Variants in GABBR1 observed in about 807,000 individuals in gnomAD.
GABBR1 encodes GABA-B receptor, R1 subunit.
In GABBR1, 35 loss-of-function variants were observed where a neutral mutation model predicts 117.7. The observed-to-expected ratio is 0.30, with a 90% CI of 0.23 to 0.39. GABBR1 has a LOEUF of 0.39. Among genes scored for constraint, GABBR1 ranks in the 10% least tolerant of loss-of-function variants. The pLI is 1.00. For synonymous variants in GABBR1, 442 were observed against 486.6 expected, an observed-to-expected ratio of 0.91 and a Z score of 1.21; for missense variants, 709 against 1,241.8, an observed-to-expected ratio of 0.57 and a Z score of 6.45.
rs775699692 is a variant in GABBR1 at position 29,604,556 on chromosome 6, C to T, written c.2650G>A (p.Glu884Lys). The T allele has an allele frequency of 1.9e-6, 3 of 1,613,338 alleles. No individual in the cohort carries two copies. The highest frequency in any genetic ancestry group is 1.7e-5 in the Admixed American group (1 of 60,026). ...TCCAACAGCCGGGACTTCTCCTCCT[C>T]GTTGTTGTTGGTCGATGACCCTGTC... ...MKTGSSTNNN[E>K]EEKSRLLEKE... The change falls in exon 22 of 23, where the codon GAG becomes AAG. Residue 884 changes from glutamate (E) to lysine (K), a missense_variant. Glu to Lys is a moderately conservative substitution (Grantham distance 56, BLOSUM62 1). Coordinates refer to ENST00000377034, the MANE Select transcript of GABBR1 (RefSeq NM_001470.4). The surrounding 1 kb of genome is among the most constrained non-coding windows in gnomAD (Gnocchi z 5.3).
At chr6:29,617,301 CTTT>C (rs373993426) in intron 11 of GABBR1, among the ~76,000 whole-genome samples, 5,027 of 119,730 alleles carry the variant, frequency 0.042, 73 homozygotes, top group Middle Eastern at 0.15. Flanking sequence ...TTCTTTCTTT[CTTT>C]TTTTTTTTTT....
At chr6:29,629,271 C>G in intron 4 of GABBR1, 164 bp from the exon 5 acceptor site, 1 of 771,284 alleles carries the variant, frequency 1.3e-6, no homozygotes, top group Non-Finnish European at 2.3e-6. Flanking sequence ...CAAGGTGGGT[C>G]TGGGGGTAAG....
intron 11 of GABBR1, among the ~76,000 whole-genome samples, chr6:29,619,129 T>G (rs748887356): frequency 3.9e-5 from 6 of 152,198 alleles, no homozygotes; most frequent in South Asian, 4.1e-4. Flanking sequence ...ACTAACTACC[T>G]TTCCAGGTGG....
Position 29,632,903 on chromosome 6 carries a change from C to T in GABBR1, c.-54G>A. On this transcript the variant is annotated 5_prime_UTR_variant, in exon 1 of 23. Transcript: ENST00000377034. The surrounding 1 kb of genome is among the most constrained non-coding windows in gnomAD (Gnocchi z 5.8). Reference sequence around the variant, plus strand: ...CTCCCCGGGCCTCAAGGCCCCAGGCCCGGCCGCTCCTCCCCGCTCCCCCCT... The same window carrying T: ...CTCCCCGGGCCTCAAGGCCCCAGGCTCGGCCGCTCCTCCCCGCTCCCCCCT... 4.3e-6 allele frequency: 1 copy of T among 231,660 alleles called. No individual in the cohort carries two copies. Among genetic ancestry groups the T allele is most frequent in the South Asian group, 3.6e-5 (1 of 27,582 alleles). The allele number at this position is 231,660 out of a possible 1,614,324, so 14.4% of individuals were successfully genotyped here. A position where few individuals can be genotyped will look rare whatever the true frequency, so the allele number is the denominator to read the frequency against.
rs550996000 is a variant in GABBR1 at position 29,623,741 on chromosome 6, G to C, written c.792+149C>G. The C allele has an allele frequency of 3.3e-5, 30 of 920,438 alleles. No individual in the cohort carries two copies. The highest frequency in any genetic ancestry group is 4.5e-5 in the Non-Finnish European group (28 of 619,568). The allele number at this position is 920,438 out of a possible 1,614,324, so 57.0% of individuals were successfully genotyped here. On this transcript the variant is annotated intron_variant, in intron 7 of 22. Coordinates refer to ENST00000377034, the MANE Select transcript of GABBR1 (RefSeq NM_001470.4). This position sits in a 1 kb window ranked among gnomAD's most constrained non-coding sequence, Gnocchi z 6.2. ...ACTGTCAGGCCACTGTTGCTAGGAG[G>C]CTGCCTAGCTCAGGTCTGCAGAGGA... is the stretch of plus-strand genomic sequence containing the variant.
At position 29,630,358 on chromosome 6, in the gene GABBR1, T is replaced by C; in HGVS notation, c.475+100A>G. The C allele has an allele frequency of 1.8e-6, 2 of 1,126,838 alleles. No homozygotes were observed. Among genetic ancestry groups the C allele is most frequent in the Non-Finnish European group, 2.6e-6 (2 of 776,430 alleles). The allele number at this position is 1,126,838 out of a possible 1,614,324, so 69.8% of individuals were successfully genotyped here. The stretch of plus-strand genomic sequence containing the variant: ...CCCTTTCCAGTGTCCTCCCCCACAT[T>C]TTTATAGCTCTCCATTCTTTCCCAT... On this transcript the variant is annotated intron_variant, in intron 4 of 22. Coordinates refer to ENST00000377034, the MANE Select transcript of GABBR1 (RefSeq NM_001470.4). This position sits in a 1 kb window ranked among gnomAD's most constrained non-coding sequence, Gnocchi z 4.9.
chr6:29,629,812 C>CA (rs28383808), intron 4 of GABBR1: 39,519 of 104,476 alleles, frequency 0.38, 6,189 homozygotes, highest in East Asian at 0.58. Context: ...AATTACGTGG[C>CA]AAAAAAAAAA....
Position 29,624,041 on chromosome 6 carries a change from G to C in GABBR1, c.658-17C>G. The C allele has an allele frequency of 6.2e-7, 1 of 1,601,532 alleles. No individual in the cohort carries two copies. Among genetic ancestry groups the C allele is most frequent in the Non-Finnish European group, 8.5e-7 (1 of 1,172,694 alleles). On this transcript the variant is annotated splice_polypyrimidine_tract_variant and intron_variant, in intron 6 of 22. Transcript: ENST00000377034. ...TGGATCACACTGAAAGACAAGAGGA[G>C]ATGAGGGCAAGCTCTCCTGGGGCCC...
Position 29,621,868 on chromosome 6 carries a change from G to A in GABBR1, c.1066-51C>T, listed in dbSNP as rs1763787016. The stretch of plus-strand genomic sequence containing the variant: ...TGAGGGATGCCCGGGAATGCCTGAG[G>A]GGCTAAGCCAGATGTCTTCACAGCT... On this transcript the variant is annotated intron_variant, in intron 9 of 22. Coordinates refer to ENST00000377034, the MANE Select transcript of GABBR1 (RefSeq NM_001470.4). This position sits in a 1 kb window ranked among gnomAD's most constrained non-coding sequence, Gnocchi z 5.0. The A allele has an allele frequency of 6.3e-7, 1 of 1,581,814 alleles. No individual in the cohort carries two copies. The highest frequency in any genetic ancestry group is 8.7e-7 in the Non-Finnish European group (1 of 1,151,102).
At position 29,605,041 on chromosome 6, in the gene GABBR1, T is replaced by C. The variant is rs1030205198; in HGVS notation, c.2440-53A>G. 4 of 1,543,542 alleles carry C rather than the reference T, an allele frequency of 2.6e-6. No homozygotes were observed. Among genetic ancestry groups the C allele is most frequent in the Non-Finnish European group, 3.5e-6 (4 of 1,148,204 alleles). ...CTCAGGTCTGCAGGCTCAGACAAGA[T>C]CCAGAGTTTACTTCCCATGGGAGGG... On this transcript the variant is annotated intron_variant, in intron 20 of 22. Coordinates refer to ENST00000377034, the MANE Select transcript of GABBR1 (RefSeq NM_001470.4). The surrounding 1 kb of genome is among the most constrained non-coding windows in gnomAD (Gnocchi z 4.2).
rs980292762 is a variant in GABBR1 at position 29,630,534 on chromosome 6, G to A, written c.399C>T (p.Pro133=). The change falls in exon 4 of 23, where the codon CCC becomes CCT. Residue 133 remains proline, a synonymous_variant. Transcript: ENST00000377034. This position sits in a 1 kb window ranked among gnomAD's most constrained non-coding sequence, Gnocchi z 4.9. ...DGARVDFRCD[P]DFHLVGSSRS... is the part of the protein sequence containing the mutation. ...GGGAGCTGCCCACCAGATGGAAGTC[G>A]GGGTCACACCGGAAATCCACCCGGG... The A allele has an allele frequency of 6.8e-6, 11 of 1,612,952 alleles. No individual in the cohort carries two copies. Among genetic ancestry groups the A allele is most frequent in the African/African-American group, 4.0e-5 (3 of 74,924 alleles).
chr6:29,604,203 C>T lies in GABBR1; in HGVS notation c.2712+291G>A, dbSNP rs1015018174. Among the ~76,000 whole-genome samples the T allele has an allele frequency of 6.6e-6, 1 of 152,104 alleles. No homozygotes were observed. The highest frequency in any genetic ancestry group is 1.5e-5 in the Non-Finnish European group (1 of 68,016). On this transcript the variant is annotated intron_variant, in intron 22 of 22. Coordinates refer to ENST00000377034, the MANE Select transcript of GABBR1 (RefSeq NM_001470.4). This position sits in a 1 kb window ranked among gnomAD's most constrained non-coding sequence, Gnocchi z 5.3. ...CCTCTCTCCAGTTGTCACCTACAGC[C>T]AACAGCCATCCTCTTGCCTTAAGGA...
chr6:29,632,252 A>C lies in GABBR1; in HGVS notation c.85+49T>G. 1 of 1,085,788 alleles carries C rather than the reference A, an allele frequency of 9.2e-7. No homozygotes were observed. Among genetic ancestry groups the C allele is most frequent in the Non-Finnish European group, 1.3e-6 (1 of 795,976 alleles). 67.3% of individuals were successfully genotyped at this position (1,085,788 alleles called of 1,614,324 possible). A position where few individuals can be genotyped will look rare whatever the true frequency, so the allele number is the denominator to read the frequency against. ...GACCAGAAATGAGGAGATGCAGGGA[A>C]AGGGAAGTGGAGCGAAGGAGGGCCG... On this transcript the variant is annotated intron_variant, in intron 2 of 22. Coordinates refer to ENST00000377034, the MANE Select transcript of GABBR1 (RefSeq NM_001470.4). The surrounding 1 kb of genome is among the most constrained non-coding windows in gnomAD (Gnocchi z 5.8).
Position 29,621,279 on chromosome 6 carries a change from C to T in GABBR1, c.1145G>A (p.Arg382His), listed in dbSNP as rs866442546. The change falls in exon 11 of 23, where the codon CGT (arginine) becomes CAT (histidine). Residue 382 changes from arginine (R) to histidine (H), a missense_variant. This residue lies in a region of GABBR1 where 192 missense variants were observed against 418.4 expected (regional missense o/e 0.46). Transcript: ENST00000377034. The surrounding 1 kb of genome is among the most constrained non-coding windows in gnomAD (Gnocchi z 5.0). Reference sequence around the variant, plus strand: ...CCAGACGTACTTCTTCCCAAAGAGACGCTCCTTGTACACCTGAATACAGAG... The same window carrying T: ...CCAGACGTACTTCTTCCCAAAGAGATGCTCCTTGTACACCTGAATACAGAG... ...RKVFCEVYKE[R>H]LFGKKYVWFL... The T allele has an allele frequency of 1.1e-5, 17 of 1,612,530 alleles. No homozygotes were observed. In the Middle Eastern group the frequency reaches 6.6e-4, roughly 62 times the overall value.
chr6:29,615,565 C>T (rs28749525), intron 11 of GABBR1, among the ~76,000 whole-genome samples: 14,091 of 148,508 alleles, frequency 0.095, 798 homozygotes, highest in Middle Eastern at 0.19. Context: ...GCAGAGATCA[C>T]GCCACTGCAC....
rs1451543092 is a variant in GABBR1 at position 29,631,994 on chromosome 6, CA to C, written c.85+306del. 6.6e-6 allele frequency among the ~76,000 whole-genome samples: 1 copy of C among 151,658 alleles called. No homozygotes were observed. Among genetic ancestry groups the C allele is most frequent in the Non-Finnish European group, 1.5e-5 (1 of 67,974 alleles). ...GAGGCTAATAAGATCATCTGGACAGCAAAGTGGGACCAAGAAAAGGGAGTAA... is the reference window on the plus strand; with the variant it reads ...GAGGCTAATAAGATCATCTGGACAGCAAGTGGGACCAAGAAAAGGGAGTAA... On this transcript the variant is annotated intron_variant, in intron 2 of 22. Coordinates refer to ENST00000377034, the MANE Select transcript of GABBR1 (RefSeq NM_001470.4). The surrounding 1 kb of genome is among the most constrained non-coding windows in gnomAD (Gnocchi z 5.9).
At chr6:29,625,528 C>T (rs1485534480) in intron 6 of GABBR1, among the ~76,000 whole-genome samples, 1 of 152,164 alleles carries the variant, frequency 6.6e-6, no homozygotes, top group Admixed American at 6.5e-5. Context: ...GTGATTCTCT[C>T]CCCCTCCCCA....
Position 29,603,579 on chromosome 6 carries a change from G to C in GABBR1, c.2850C>G (p.Ser950Arg). 6.3e-7 allele frequency: 1 copy of C among 1,592,454 alleles called. No individual in the cohort carries two copies. The highest frequency in any genetic ancestry group is 1.3e-5 in the African/African-American group (1 of 74,328). The change falls in exon 23 of 23, where the codon AGC becomes AGG. Residue 950 changes from serine to arginine, a missense_variant. By Grantham distance (110) the Ser-to-Arg change is moderately radical (BLOSUM62 -1). Transcript: ENST00000377034. ...GCAAATGCACTCGACTCCCATCACA[G>C]CTAAGCCGGTCGGGGGGCTCAGGGG... ...RGPPEPPDRLSCDGSRVHLLY... is the reference protein window; with the variant it reads ...RGPPEPPDRLRCDGSRVHLLY...
In GABBR1 at chr6:29,603,183, G is replaced by A. The variant is rs750376446; in HGVS notation, c.*360C>T. ...GACAGGAACAGAGCACAAAGGCAGA[G>A]GAGCTGCAGGGGTTGCCGTGGTAAC... On this transcript the variant is annotated 3_prime_UTR_variant, in exon 23 of 23. Transcript: ENST00000377034. 2.0e-6 allele frequency: 1 copy of A among 493,914 alleles called. No individual in the cohort carries two copies. Among genetic ancestry groups the A allele is most frequent in the Admixed American group, 2.3e-5 (1 of 43,484 alleles). The allele number at this position is 493,914 out of a possible 1,614,324, so 30.6% of individuals were successfully genotyped here.
Sources: gnomAD v4.1 joint callset for allele counts (sites outside exome capture counted in the v4.1 genomes callset) on GRCh38, gnomAD v4.1.1 for gene constraint, gnomAD v4.1.1 regional missense constraint, Gnocchi (gnomAD v3.1) non-coding constraint, MANE v1.5 for transcripts, NCBI Gene and HGNC (gene_info 2026-07-23, HGNC 2026-07-21) for gene names.